ASPM: variants seen among roughly 807,000 people sequenced by gnomAD.
The protein encoded by ASPM is assembly factor for spindle microtubules.
In ASPM, 256 loss-of-function variants were observed where a neutral mutation model predicts 366.4. That is an observed-to-expected ratio of 0.70 (90% confidence interval 0.63 to 0.77). ASPM has a LOEUF of 0.77. ASPM is among the 30% of genes least tolerant of loss of function. ASPM has a pLI of 0.00. For missense variants in ASPM, 4,146 were observed against 4,090.4 expected (o/e 1.01, Z -0.37); for synonymous variants, 1,414 against 1,342.9 (o/e 1.05, Z -1.16).
intron 10 of ASPM, among the ~76,000 whole-genome samples, chr1:197,125,431 A>T (rs1415895236): frequency 6.6e-6 from 1 of 152,144 alleles, no homozygotes; most frequent in Non-Finnish European, 1.5e-5. Context: ...ACATATATAA[A>T]TGCACACATC....
At chr1:197,109,062 T>C (rs1571605760) in intron 17 of ASPM, among the ~76,000 whole-genome samples, 1 of 151,494 alleles carries the variant, frequency 6.6e-6, no homozygotes, top group South Asian at 2.1e-4. Flanking sequence ...ACAGTATATG[T>C]ATCAAAACAT....
chr1:197,117,902 C>G lies in ASPM; in HGVS notation c.3952G>C (p.Ala1318Pro). 1 of 1,613,336 alleles carries G rather than the reference C, an allele frequency of 6.2e-7. No individual in the cohort carries two copies. The highest frequency in any genetic ancestry group is 2.2e-5 in the East Asian group (1 of 44,816). ...CAATATTTCTGAATGACGAGTGCTGCATTAACTCTTTTTCTCAATCTTTGT... is the reference window on the plus strand; with the variant it reads ...CAATATTTCTGAATGACGAGTGCTGGATTAACTCTTTTTCTCAATCTTTGT... ...AKQRLRKRVN[A>P]ALVIQKYWRR... The change falls in exon 17 of 28, where the codon GCA (alanine) becomes CCA (proline). Residue 1318 changes from alanine to proline, a missense_variant. Physicochemically the swap from Ala to Pro is conservative, Grantham distance 27 (BLOSUM62 -1). This residue lies in a region of ASPM where 3,624 missense variants were observed against 3,591.7 expected (regional missense o/e 1.01). Transcript: ENST00000367409.
chr1:197,091,183 C>A, intron 22 of ASPM, 142 bp from the exon 23 acceptor site: 2 of 779,378 alleles, frequency 2.6e-6, no homozygotes, highest in Admixed American at 2.5e-5. Context: ...GCATTACTTC[C>A]CCACTCCACT....
chr1:197,107,292 C>CGT (rs1273338852), intron 17 of ASPM, among the ~76,000 whole-genome samples: 2 of 152,074 alleles, frequency 1.3e-5, no homozygotes, highest in Non-Finnish European at 2.9e-5. Context: ...CCCAGACTGG[C>CGT]TACTGGGTGT....
At chr1:197,119,473 T>C (rs1448764381) in intron 16 of ASPM, among the ~76,000 whole-genome samples, 3 of 152,210 alleles carry the variant, frequency 2.0e-5, no homozygotes, top group African/African-American at 7.2e-5. Context: ...TCTCAGTTTT[T>C]AGATCATCTC....
chr1:197,136,450 G>C (rs1025524496), intron 4 of ASPM, among the ~76,000 whole-genome samples: 3 of 152,078 alleles, frequency 2.0e-5, no homozygotes, highest in Non-Finnish European at 4.4e-5. Flanking sequence ...AAATATGTTA[G>C]GTGGTGTACA....
At chr1:197,092,738 A>G (rs569989403) in intron 21 of ASPM, among the ~76,000 whole-genome samples, 2 of 152,068 alleles carry the variant, frequency 1.3e-5, no homozygotes, top group South Asian at 4.1e-4. Context: ...TACTAGAATA[A>G]CATTTAACCT....
chr1:197,137,987 G>T (rs1204416709), intron 4 of ASPM, among the ~76,000 whole-genome samples: 1 of 151,996 alleles, frequency 6.6e-6, no homozygotes, highest in Non-Finnish European at 1.5e-5. Context: ...AAACTATCAA[G>T]AAATTATTAG....
Position 197,101,660 on chromosome 1 carries a change from ATT to A in ASPM, c.7589_7590del (p.Gln2530LeufsTer12). 1 of 1,611,972 alleles carries A rather than the reference ATT, an allele frequency of 6.2e-7. No individual in the cohort carries two copies. The highest frequency in any genetic ancestry group is 8.5e-7 in the Non-Finnish European group (1 of 1,179,036). Reference protein sequence around the residue: ...AKLQRENYIRQWHSAVVIQAA... With the variant: ...AKLQRENYIRXWHSAVVIQAA... ...GCCTGAATAACCACAGCAGAATGCC[ATT>A]GTCTGATATAATTTTCTCTTTGTAA... On this transcript the variant is annotated frameshift_variant, in exon 18 of 28. Coordinates refer to ENST00000367409, the MANE Select transcript of ASPM (RefSeq NM_018136.5). LOFTEE classifies it high-confidence loss of function.
At position 197,103,697 on chromosome 1, in the gene ASPM, TTA is replaced by T; in HGVS notation, c.5552_5553del (p.Ile1851AsnfsTer15). ...GCCCTGTACCATCTCTGAATCTTTA[TTA>T]TAGATTGAAGCACAGATTGATATTT... ...RVKYQSVLQS[I>X]IKIQRWYRAY... On this transcript the variant is annotated frameshift_variant, in exon 18 of 28. Coordinates refer to ENST00000367409, the MANE Select transcript of ASPM (RefSeq NM_018136.5). LOFTEE classifies it high-confidence loss of function. 1.2e-6 allele frequency: 2 copies of T among 1,612,920 alleles called. No homozygotes were observed. The highest frequency in any genetic ancestry group is 4.5e-5 in the East Asian group (2 of 44,830).
intron 3 of ASPM, among the ~76,000 whole-genome samples, chr1:197,140,329 T>C (rs1482739330): frequency 1.3e-5 from 2 of 152,136 alleles, no homozygotes; most frequent in African/African-American, 4.8e-5. Context: ...AGAACTGCAA[T>C]AAGGATGAAG....
At chr1:197,100,227 C>T (rs1046652229) in intron 18 of ASPM, among the ~76,000 whole-genome samples, 3 of 151,612 alleles carry the variant, frequency 2.0e-5, no homozygotes, top group African/African-American at 7.3e-5. Context: ...TGACCATGGC[C>T]AGAACAATCC....
chr1:197,107,617 T>C (rs562907532), intron 17 of ASPM, among the ~76,000 whole-genome samples: 1 of 152,086 alleles, frequency 6.6e-6, no homozygotes, highest in African/African-American at 2.4e-5. Flanking sequence ...GATACTGGAA[T>C]TGGAATTAAC....
chr1:197,128,337 T>C (rs1274000376), intron 10 of ASPM, among the ~76,000 whole-genome samples, 153 bp downstream of exon 10: 1 of 88,844 alleles, frequency 1.1e-5, no homozygotes, highest in African/African-American at 2.8e-5. Flanking sequence ...GATGTACCAC[T>C]TCCCTGAAAA....
chr1:197,115,737 T>C (rs1037958944), intron 17 of ASPM, among the ~76,000 whole-genome samples: 1 of 152,202 alleles, frequency 6.6e-6, no homozygotes, highest in Non-Finnish European at 1.5e-5. Flanking sequence ...CTTTTCTGTG[T>C]AGTAGGTCTC....
Position 197,088,356 on chromosome 1 carries a change from C to T in ASPM, c.10061G>A (p.Arg3354Gln), listed in dbSNP as rs537930821. ...TGCAACTTTATTACCAGGCTTTTCT[C>T]GGTATATCTGCAAAAGCTCCAATAG... Reference protein sequence around the residue: ...DILLELLQIYREKPGNKVADK... With the variant: ...DILLELLQIYQEKPGNKVADK... The change falls in exon 26 of 28, where the codon CGA (arginine) becomes CAA (glutamine). Residue 3354 changes from arginine to glutamine, a missense_variant. Transcript: ENST00000367409. 1.7e-5 allele frequency: 28 copies of T among 1,612,538 alleles called. No individual in the cohort carries two copies. The highest frequency in any genetic ancestry group is 3.3e-4 in the Middle Eastern group (2 of 6,048).
chr1:197,141,634 T>C (rs1017253094), intron 3 of ASPM, among the ~76,000 whole-genome samples: 23 of 152,136 alleles, frequency 1.5e-4, no homozygotes, highest in African/African-American at 5.3e-4. Context: ...TGGAACCATC[T>C]CATACTTCCT....
In ASPM at chr1:197,107,748, A is replaced by G. The variant is rs113716487; in HGVS notation, c.4066-2563T>C. On this transcript the variant is annotated intron_variant, in intron 17 of 27. Coordinates refer to ENST00000367409, the MANE Select transcript of ASPM (RefSeq NM_018136.5). ...GTAAGAACCAAGTGAGAATAGTAGA[A>G]CCGAAAAACACACTAACCAAAATAA... is the stretch of plus-strand genomic sequence containing the variant. 8.4e-3 allele frequency among the ~76,000 whole-genome samples: 1,280 copies of G among 152,244 alleles called. 15 individuals are homozygous for G. The highest frequency in any genetic ancestry group is 0.028 in the African/African-American group (1,179 of 41,580).
chr1:197,109,922 C>A (rs1657533331), intron 17 of ASPM, among the ~76,000 whole-genome samples: 1 of 151,898 alleles, frequency 6.6e-6, no homozygotes, highest in South Asian at 2.1e-4. Context: ...TGATGATGAA[C>A]AACTCAAAGA....
Sources: gnomAD v4.1 joint callset for allele counts (sites outside exome capture counted in the v4.1 genomes callset) on GRCh38, gnomAD v4.1.1 for gene constraint, gnomAD v4.1.1 regional missense constraint, MANE v1.5 for transcripts, NCBI Gene and HGNC (gene_info 2026-07-23, HGNC 2026-07-21) for gene names.